Variants in LSM1 observed in about 807,000 individuals in gnomAD.
LSM1 encodes the protein U6 snRNA-associated Sm-like protein LSm1.
In LSM1, 13 loss-of-function variants were observed where a neutral mutation model predicts 18.0. The ratio of observed to expected loss-of-function variants is 0.72; its 90% confidence interval spans 0.47 to 1.15. The LOEUF is 1.15. LSM1 is among the 50% of genes most tolerant of loss of function. LSM1 has a pLI of 0.00. For missense variants in LSM1, 152 were observed against 157.7 expected, an observed-to-expected ratio of 0.96 and a Z score of 0.19; for synonymous variants, 46 against 56.0, an observed-to-expected ratio of 0.82 and a Z score of 0.80.
At chr8:38,167,945 T>C (rs559360494) in intron 3 of LSM1, among the ~76,000 whole-genome samples, 1 of 151,546 alleles carries the variant, frequency 6.6e-6, no homozygotes, top group Non-Finnish European at 1.5e-5. Context: ...ATGGGTACCA[T>C]GGTACTAGGT....
At chr8:38,169,285 G>A (rs779714981) in intron 3 of LSM1, among the ~76,000 whole-genome samples, 1 of 152,098 alleles carries the variant, frequency 6.6e-6, no homozygotes, top group Admixed American at 6.6e-5. Flanking sequence ...CTGCCAGCTG[G>A]TCTTTCTGGC....
upstream of LSM1, chr8:38,176,525 C>G: frequency 3.4e-6 from 2 of 579,784 alleles, no homozygotes; most frequent in Non-Finnish European, 3.0e-6. Flanking sequence ...CACGTGTGGG[C>G]CCCCAGGAAG....
At chr8:38,164,576 C>T (rs888474966) in intron 3 of LSM1, among the ~76,000 whole-genome samples, 14 of 151,022 alleles carry the variant, frequency 9.3e-5, no homozygotes, top group African/African-American at 3.2e-4. Flanking sequence ...AATCCCAGCA[C>T]TTTGGGAGGC....
intron 2 of LSM1, among the ~76,000 whole-genome samples, chr8:38,170,226 G>C (rs980867783): frequency 1.3e-5 from 2 of 152,104 alleles, no homozygotes; most frequent in African/African-American, 4.8e-5. Context: ...TTTTAGCAGA[G>C]ACAGGGATCA....
intron 3 of LSM1, among the ~76,000 whole-genome samples, chr8:38,169,233 C>T (rs1023567327): frequency 6.6e-6 from 1 of 152,082 alleles, no homozygotes; most frequent in South Asian, 2.1e-4. Context: ...ACACGAAGAC[C>T]TACAGCAACA....
At chr8:38,168,329 G>T (rs1375994976) in intron 3 of LSM1, among the ~76,000 whole-genome samples, 2 of 150,378 alleles carry the variant, frequency 1.3e-5, no homozygotes, top group African/African-American at 4.9e-5. Flanking sequence ...GGTGGCTCAT[G>T]CCTGTAATCC....
intron 1 of LSM1, 100 bp downstream of exon 1, chr8:38,176,175 C>T (rs1457262623): frequency 1.1e-5 from 11 of 996,664 alleles, no homozygotes; most frequent in Non-Finnish European, 1.6e-6. Context: ...AACACACCGG[C>T]CCCGCCCGGG....
intron 1 of LSM1, 80 bp from the exon 2 acceptor site, chr8:38,172,113 C>G (rs907201309): frequency 1.0e-6 from 1 of 987,928 alleles, no homozygotes; most frequent in Non-Finnish European, 1.6e-6. Flanking sequence ...ACAGTTTAAG[C>G]TGTACCACTT....
At chr8:38,176,693 T>C (rs528711479), upstream of LSM1, 15 of 782,970 alleles carry the variant, frequency 1.9e-5, no homozygotes, top group South Asian at 3.4e-4. Flanking sequence ...CCAGAGTCAC[T>C]GACCTCCGTC....
chr8:38,175,672 A>G (rs931745219), intron 1 of LSM1: 19 of 152,146 alleles, frequency 1.2e-4, no homozygotes, highest in Admixed American at 4.6e-4. Flanking sequence ...TGTCTTAAAA[A>G]AAAAAAAAAG....
intron 1 of LSM1, among the ~76,000 whole-genome samples, chr8:38,175,025 CAAAAAA>C (rs1203614273): frequency 3.3e-4 from 19 of 57,114 alleles, no homozygotes; most frequent in African/African-American, 1.1e-3. Flanking sequence ...GACTCTGTCT[CAAAAAA>C]AAAAAAAAAA....
chr8:38,170,802 T>C, intron 2 of LSM1: 2 of 220,038 alleles, frequency 9.1e-6, no homozygotes, highest in South Asian at 1.1e-4. Flanking sequence ...AGTACTCTGA[T>C]GAATCTGACT....
At chr8:38,167,575 G>A (rs997282961) in intron 3 of LSM1, among the ~76,000 whole-genome samples, 1 of 152,090 alleles carries the variant, frequency 6.6e-6, no homozygotes, top group African/African-American at 2.4e-5. Context: ...TGCAGCTTAA[G>A]CGATCTGCCT....
intron 1 of LSM1, among the ~76,000 whole-genome samples, chr8:38,173,197 C>T (rs777962618): frequency 6.6e-6 from 1 of 152,194 alleles, no homozygotes; most frequent in South Asian, 2.1e-4. Flanking sequence ...AGGAAAAACA[C>T]AGTGACTCTG....
At chr8:38,174,314 G>GAA (rs1167232707) in intron 1 of LSM1, among the ~76,000 whole-genome samples, 5 of 152,012 alleles carry the variant, frequency 3.3e-5, no homozygotes, top group Admixed American at 3.3e-4. Flanking sequence ...GGCTAACAAC[G>GAA]AAAAAAGGTT....
At chr8:38,174,273 G>A (rs879702553) in intron 1 of LSM1, among the ~76,000 whole-genome samples, 1 of 152,086 alleles carries the variant, frequency 6.6e-6, no homozygotes, top group East Asian at 1.9e-4. Flanking sequence ...AGAACGCAGG[G>A]GTTGGGGAGA....
chr8:38,176,452 C>A lies in LSM1; in HGVS notation c.-132G>T, dbSNP rs777158105. 1 of 702,976 alleles carries A rather than the reference C, an allele frequency of 1.4e-6. No individual in the cohort carries two copies. The highest frequency in any genetic ancestry group is 2.7e-5 in the East Asian group (1 of 36,622). The allele number at this position is 702,976 out of a possible 1,614,324, so 43.5% of individuals were successfully genotyped here. Reference sequence around the variant, plus strand: ...CCGACCGAGACCAGCACTTCTGCCCCGGCTTTCAGCCGCCGGGGGCTGCCG... The same window carrying A: ...CCGACCGAGACCAGCACTTCTGCCCAGGCTTTCAGCCGCCGGGGGCTGCCG... On this transcript the variant is annotated 5_prime_UTR_variant, in exon 1 of 4. Coordinates refer to ENST00000311351, the MANE Select transcript of LSM1 (RefSeq NM_014462.3).
At chr8:38,171,424 C>T (rs1005568217) in intron 2 of LSM1, among the ~76,000 whole-genome samples, 8 of 152,176 alleles carry the variant, frequency 5.3e-5, no homozygotes, top group African/African-American at 1.9e-4. Flanking sequence ...AACAACTGCC[C>T]AGCTCAGCTG....
At chr8:38,175,525 T>C (rs1803118498) in intron 1 of LSM1, among the ~76,000 whole-genome samples, 1 of 152,204 alleles carries the variant, frequency 6.6e-6, no homozygotes, top group African/African-American at 2.4e-5. Context: ...TGAGGAATAA[T>C]GCACAGACGG....
Sources: gnomAD v4.1 joint callset for allele counts (sites outside exome capture counted in the v4.1 genomes callset) on GRCh38, gnomAD v4.1.1 for gene constraint, MANE v1.5 for transcripts, NCBI Gene and HGNC (gene_info 2026-07-23, HGNC 2026-07-21) for gene names.